RB1CC1: variants seen among roughly 807,000 people sequenced by gnomAD.
RB1CC1 encodes the protein RB1 inducible coiled-coil 1.
RB1CC1 carries 46 observed loss-of-function variants against 177.5 expected under a neutral mutation model. The observed-to-expected ratio is 0.26, with a 90% CI of 0.20 to 0.33. RB1CC1 has a LOEUF of 0.33. RB1CC1 is among the 10% of genes least tolerant of loss of function. The pLI, the probability that RB1CC1 is intolerant of heterozygous loss-of-function variation, is 1.00. For synonymous variants in RB1CC1, 666 were observed against 613.6 expected, an observed-to-expected ratio of 1.09 and a Z score of -1.26; for missense variants, 1,703 against 1,816.3, an observed-to-expected ratio of 0.94 and a Z score of 1.13.
chr8:52,695,210 A>C (rs2150658005), intron 1 of RB1CC1, among the ~76,000 whole-genome samples: 1 of 152,372 alleles, frequency 6.6e-6, no homozygotes, highest in Admixed American at 6.5e-5. Context: ...AAAATGTATA[A>C]AGAAGTAAAA....
rs138090581 is a variant in RB1CC1, at chr8:52,653,433, T to C, written c.3821+2575A>G. The stretch of plus-strand genomic sequence containing the variant: ...CCAGAGAAATCTGTGGTAGTGGTTG[T>C]CCGTAGGCCCTAATAGAATGAACCG... On this transcript the variant is annotated intron_variant, in intron 15 of 23. Transcript: ENST00000025008. Among the ~76,000 whole-genome samples the C allele has an allele frequency of 8.4e-4, 128 of 152,260 alleles. 2 individuals are homozygous for C. In the East Asian group the frequency reaches 0.019, roughly 22 times the overall value.
rs561831982 is a variant in RB1CC1 at position 52,637,658 on chromosome 8, CATTT to C, written c.4338-1593_4338-1590del. On this transcript the variant is annotated intron_variant, in intron 18 of 23. Coordinates refer to ENST00000025008, the MANE Select transcript of RB1CC1 (RefSeq NM_014781.5). Reference sequence around the variant, plus strand: ...TTTTTCTTCCTTACCAATCTAGATGCATTTATTTATTTATTTATTTATTTATATA... The same window carrying C: ...TTTTTCTTCCTTACCAATCTAGATGCATTTATTTATTTATTTATTTATATA... Among the ~76,000 whole-genome samples, 399 of 151,290 alleles carry C rather than the reference CATTT, an allele frequency of 2.6e-3. 1 individual carries two copies. The highest frequency in any genetic ancestry group is 4.4e-3 in the Non-Finnish European group (299 of 67,886).
intron 16 of RB1CC1, 148 bp downstream of exon 16, chr8:52,645,554 T>C: frequency 2.3e-6 from 2 of 851,564 alleles, no homozygotes; most frequent in Non-Finnish European, 3.4e-6. Context: ...ATACACGCTT[T>C]TGTCAAGAGG....
At chr8:52,678,866 T>G (rs1853413390) in intron 5 of RB1CC1, among the ~76,000 whole-genome samples, 1 of 152,200 alleles carries the variant, frequency 6.6e-6, no homozygotes, top group South Asian at 2.1e-4. Flanking sequence ...TCTTCACCTG[T>G]TCTTAATTCC....
At chr8:52,691,617 T>C (rs1854863336) in intron 1 of RB1CC1, among the ~76,000 whole-genome samples, 1 of 152,256 alleles carries the variant, frequency 6.6e-6, no homozygotes. Context: ...TCCTAAGTGA[T>C]GTTAATGACA....
intron 15 of RB1CC1, among the ~76,000 whole-genome samples, chr8:52,646,983 C>CTA (rs994718163): frequency 1.7e-4 from 26 of 152,180 alleles, no homozygotes; most frequent in East Asian, 7.7e-4. Context: ...AAATGTCCCT[C>CTA]TTTGTTTTTA....
intron 1 of RB1CC1, among the ~76,000 whole-genome samples, chr8:52,691,248 C>T (rs1044206208): frequency 4.6e-5 from 7 of 152,148 alleles, no homozygotes; most frequent in African/African-American, 1.7e-4. Context: ...GTATAGACGA[C>T]CTCAGTTCCA....
chr8:52,661,779 T>G (rs1851653826), intron 8 of RB1CC1, 60 bp from the exon 9 acceptor site: 2 of 1,278,634 alleles, frequency 1.6e-6, no homozygotes, highest in Admixed American at 5.5e-5. Flanking sequence ...GTATGGACAT[T>G]CAGTTAAGTG....
Position 52,668,138 on chromosome 8 carries a change from G to C in RB1CC1, c.1056C>G (p.Ala352=), listed in dbSNP as rs1350515857. 5 of 1,614,056 alleles carry C rather than the reference G, an allele frequency of 3.1e-6. No homozygotes were observed. In the South Asian group the frequency reaches 5.5e-5, roughly 18 times the overall value. ...PFIAECRQTI[A]KLDNQNMKAI... ...CTTTCATATTCTGATTATCAAGTTT[G>C]GCAATAGTTTGACGGCATTCTGCTA... The change falls in exon 8 of 24, where the codon GCC becomes GCG. Residue 352 remains alanine (A), a synonymous_variant. Coordinates refer to ENST00000025008, the MANE Select transcript of RB1CC1 (RefSeq NM_014781.5).
At chr8:52,671,361 C>A (rs942864009) in intron 7 of RB1CC1, among the ~76,000 whole-genome samples, 1 of 152,158 alleles carries the variant, frequency 6.6e-6, no homozygotes, top group Admixed American at 6.5e-5. Context: ...GAAAAAAAAT[C>A]TTGGCATATA....
chr8:52,688,719 C>A (rs1405910216), intron 1 of RB1CC1, among the ~76,000 whole-genome samples: 3 of 152,166 alleles, frequency 2.0e-5, no homozygotes, highest in South Asian at 2.1e-4. Context: ...TACCTACTCC[C>A]TGTTCTTACA....
chr8:52,695,895 G>A (rs530397762), intron 1 of RB1CC1, among the ~76,000 whole-genome samples: 1 of 152,182 alleles, frequency 6.6e-6, no homozygotes. Flanking sequence ...GGTGGATATG[G>A]GGAACCTGTG....
In RB1CC1 at chr8:52,656,012, T is replaced by C; in HGVS notation, c.3817A>G (p.Lys1273Glu). Residue 1273 changes from lysine (K) to glutamate (E), a missense_variant, in exon 15 of 24, where the codon AAA becomes GAA. Physicochemically the swap from Lys to Glu is moderately conservative, Grantham distance 56. This residue lies in a region of RB1CC1 where 1,169 missense variants were observed against 1,184.7 expected (regional missense o/e 0.99). Coordinates refer to ENST00000025008, the MANE Select transcript of RB1CC1 (RefSeq NM_014781.5). ...KVKHLENQIAKSPAIDSTRGD... is the reference protein window; with the variant it reads ...KVKHLENQIAESPAIDSTRGD... ...CAGACTAAACTTAATTCTTACCTTT[T>C]TGCTATTTGATTCTCAAGATGTTTA... The C allele has an allele frequency of 6.3e-7, 1 of 1,594,192 alleles. No individual in the cohort carries two copies. The highest frequency in any genetic ancestry group is 8.6e-7 in the Non-Finnish European group (1 of 1,166,310).
At chr8:52,668,236 G>C (rs779288190) in intron 7 of RB1CC1, 45 bp from the exon 8 acceptor site, 5 of 1,588,704 alleles carry the variant, frequency 3.1e-6, no homozygotes, top group Non-Finnish European at 3.4e-6. Flanking sequence ...TCAGCAAATA[G>C]TTTAAAATGT....
chr8:52,625,402 A>G (rs568801871), intron 22 of RB1CC1, among the ~76,000 whole-genome samples: 9 of 152,276 alleles, frequency 5.9e-5, no homozygotes, highest in Admixed American at 5.9e-4. Flanking sequence ...AAGACAGGAT[A>G]ATCCTAGTCC....
rs925462484 is a variant in RB1CC1 at position 52,714,380 on chromosome 8, G to C, written c.-472C>G. The C allele has an allele frequency of 6.5e-6, 1 of 153,012 alleles. No individual in the cohort carries two copies. The highest frequency in any genetic ancestry group is 1.5e-5 in the Non-Finnish European group (1 of 68,332). The allele number at this position is 153,012 out of a possible 1,614,324, so 9.5% of individuals were successfully genotyped here. On this transcript the variant is annotated 5_prime_UTR_variant, in exon 1 of 24. Coordinates refer to ENST00000025008, the MANE Select transcript of RB1CC1 (RefSeq NM_014781.5). ...GACTGGGGGATTCTGAGGCAACGCC[G>C]AGGGCTCGGCAGGGCCGCGGACACC...
At chr8:52,635,955 T>G (rs904159865) in intron 19 of RB1CC1, 60 bp downstream of exon 19, 6 of 1,574,656 alleles carry the variant, frequency 3.8e-6, no homozygotes, top group Non-Finnish European at 5.2e-6. Flanking sequence ...AGAATGAAGT[T>G]TAACTGTATC....
At chr8:52,687,400 C>T (rs1015048487) in intron 1 of RB1CC1, among the ~76,000 whole-genome samples, 1 of 152,178 alleles carries the variant, frequency 6.6e-6, no homozygotes, top group Non-Finnish European at 1.5e-5. Context: ...CATCCACCTA[C>T]TGTATTCATA....
Position 52,624,681 on chromosome 8 carries a change from G to A in RB1CC1, c.4707+36C>T, listed in dbSNP as rs758632485. The A allele has an allele frequency of 2.0e-6, 3 of 1,492,384 alleles. No individual in the cohort carries two copies. The East Asian group carries it at 6.9e-5, about 34-fold the overall frequency. 92.4% of individuals were successfully genotyped at this position (1,492,384 alleles called of 1,614,324 possible). A position where few individuals can be genotyped will look rare whatever the true frequency, so the allele number is the denominator to read the frequency against. ...AAGCAGTATTAAAATCTTCTTTACA[G>A]TTCCCAGGCTTAGTATCACATGATG... is the stretch of plus-strand genomic sequence containing the variant. On this transcript the variant is annotated intron_variant, in intron 23 of 23. Transcript: ENST00000025008.
Sources: gnomAD v4.1 joint callset for allele counts (sites outside exome capture counted in the v4.1 genomes callset) on GRCh38, gnomAD v4.1.1 for gene constraint, gnomAD v4.1.1 regional missense constraint, MANE v1.5 for transcripts, NCBI Gene and HGNC (gene_info 2026-07-23, HGNC 2026-07-21) for gene names.